The following SORCS1 variants were observed in gnomAD, a reference collection of about 807,000 sequenced individuals.
SORCS1 encodes sortilin related VPS10 domain containing receptor 1, also known as VPS10 domain-containing receptor SorCS1.
In SORCS1, 60 loss-of-function variants were observed where a neutral mutation model predicts 146.1. The ratio of observed to expected loss-of-function variants is 0.41; its 90% CI spans 0.33 to 0.51. The LOEUF is 0.51. Among genes scored for constraint, SORCS1 ranks in the 20% least tolerant of loss-of-function variants. The pLI is 0.21. For missense variants in SORCS1, 1,352 were observed against 1,487.6 expected, an observed-to-expected ratio of 0.91 and a Z score of 1.50; for synonymous variants, 637 against 584.0, an observed-to-expected ratio of 1.09 and a Z score of -1.31.
At chr10:106,880,932 C>CA (rs1248792404) in intron 2 of SORCS1, among the ~76,000 whole-genome samples, 3 of 151,248 alleles carry the variant, frequency 2.0e-5, no homozygotes, top group Non-Finnish European at 4.4e-5. Context: ...ACTAAAAATA[C>CA]AAAAAAAATT....
chr10:107,044,200 T>G (rs900523364), intron 1 of SORCS1, among the ~76,000 whole-genome samples: 3 of 152,122 alleles, frequency 2.0e-5, no homozygotes, highest in African/African-American at 4.8e-5. Flanking sequence ...TCACCTTGAT[T>G]CTCAATATCA....
chr10:106,640,143 G>A (rs1848978163), intron 18 of SORCS1, among the ~76,000 whole-genome samples: 1 of 152,206 alleles, frequency 6.6e-6, no homozygotes, highest in African/African-American at 2.4e-5. Flanking sequence ...ATTGTGTCAT[G>A]AATTCAGACA....
rs1846784495 is a variant in SORCS1, at chr10:106,608,877, G to C, written c.3034-1580C>G. Among the ~76,000 whole-genome samples the C allele has an allele frequency of 2.0e-5, 3 of 152,202 alleles. No individual in the cohort carries two copies. In the South Asian group the frequency reaches 6.2e-4, roughly 31 times the overall value. On this transcript the variant is annotated intron_variant, in intron 22 of 25. Transcript: ENST00000263054. ...AGGGGAGACAGAATGGCCCTTCAGA[G>C]TTGTCTTAAATTGGGCTGAGATGGC... is the stretch of plus-strand genomic sequence containing the variant.
chr10:107,130,920 T>C (rs1360266163), intron 1 of SORCS1, among the ~76,000 whole-genome samples: 2 of 152,184 alleles, frequency 1.3e-5, no homozygotes, highest in African/African-American at 4.8e-5. Context: ...ACAGAAACAC[T>C]GGAGCCATTA....
rs188802656 is a variant in SORCS1, at chr10:106,773,571, C to T, written c.885+2963G>A. ...ATGTGTTTTTTCCAGTATGATTTAT[C>T]CTTCATCCTCTCTTAAAGAAACAGA... On this transcript the variant is annotated intron_variant, in intron 4 of 25. Coordinates refer to ENST00000263054, the MANE Select transcript of SORCS1 (RefSeq NM_052918.5). 2.4e-3 allele frequency among the ~76,000 whole-genome samples: 360 copies of T among 152,272 alleles called. 4 individuals are homozygous for T. The highest frequency in any genetic ancestry group is 8.3e-3 in the African/African-American group (344 of 41,556).
At chr10:106,602,507 T>A (rs1846301794) in intron 23 of SORCS1, among the ~76,000 whole-genome samples, 1 of 99,708 alleles carries the variant, frequency 1.0e-5, no homozygotes, top group African/African-American at 4.2e-5. Flanking sequence ...ATTTCATTCC[T>A]TCATAACACA....
At chr10:106,983,916 G>A (rs545964647) in intron 1 of SORCS1, among the ~76,000 whole-genome samples, 192 of 152,266 alleles carry the variant, frequency 1.3e-3, no homozygotes, top group African/African-American at 4.4e-3. Context: ...GGGCCTTAAT[G>A]GCAACTTGTA....
intron 2 of SORCS1, among the ~76,000 whole-genome samples, chr10:106,939,231 C>T (rs1953907057): frequency 6.6e-6 from 1 of 152,250 alleles, no homozygotes; most frequent in Non-Finnish European, 1.5e-5. Flanking sequence ...ATGTATTCAT[C>T]AACCTGCAGG....
intron 1 of SORCS1, among the ~76,000 whole-genome samples, chr10:107,053,641 G>T (rs1223509734): frequency 6.6e-6 from 1 of 152,136 alleles, no homozygotes; most frequent in East Asian, 1.9e-4. Flanking sequence ...TTCCCACTGA[G>T]TTCACTGAAA....
intron 1 of SORCS1, among the ~76,000 whole-genome samples, chr10:107,032,263 A>G (rs1958689209): frequency 6.6e-6 from 1 of 152,326 alleles, no homozygotes; most frequent in African/African-American, 2.4e-5. Context: ...TTTAAGCAAG[A>G]AAGGGCAAAA....
intron 4 of SORCS1, 37 bp downstream of exon 4, chr10:106,776,497 C>T: frequency 6.2e-7 from 1 of 1,608,838 alleles, no homozygotes; most frequent in Non-Finnish European, 8.5e-7. Flanking sequence ...CCCGGAGAAC[C>T]ATGCTTCATT....
At chr10:106,954,318 G>T (rs895472254) in intron 2 of SORCS1, among the ~76,000 whole-genome samples, 1 of 152,184 alleles carries the variant, frequency 6.6e-6, no homozygotes, top group Non-Finnish European at 1.5e-5. Flanking sequence ...AGATCCATTA[G>T]AGAAATCTAT....
chr10:106,647,653 G>A (rs1182578290), intron 18 of SORCS1, among the ~76,000 whole-genome samples: 1 of 152,200 alleles, frequency 6.6e-6, no homozygotes, highest in Non-Finnish European at 1.5e-5. Flanking sequence ...GGATATGCAT[G>A]TGGATGAAAT....
chr10:107,004,513 T>G (rs1275473886), intron 1 of SORCS1, among the ~76,000 whole-genome samples: 2 of 152,116 alleles, frequency 1.3e-5, no homozygotes, highest in South Asian at 4.2e-4. Context: ...AACCACAAGA[T>G]CTCGAGACTT....
chr10:106,996,646 C>A (rs1957018433), intron 1 of SORCS1, among the ~76,000 whole-genome samples: 1 of 152,154 alleles, frequency 6.6e-6, no homozygotes, highest in African/African-American at 2.4e-5. Flanking sequence ...ATATTGTTTT[C>A]AGCCCTACAA....
intron 2 of SORCS1, among the ~76,000 whole-genome samples, chr10:106,888,446 G>A (rs1951092499): frequency 2.0e-5 from 3 of 151,220 alleles, no homozygotes; most frequent in Admixed American, 1.3e-4. Context: ...GAACCAAGAC[G>A]GCCCTATTTA....
rs148490853 is a variant in SORCS1 at position 106,767,761 on chromosome 10, G to A, written c.886-6100C>T. 1.7e-3 allele frequency among the ~76,000 whole-genome samples: 258 copies of A among 152,258 alleles called. 1 individual carries two copies. Among genetic ancestry groups the A allele is most frequent in the African/African-American group, 5.4e-3 (223 of 41,540 alleles). On this transcript the variant is annotated intron_variant, in intron 4 of 25. Coordinates refer to ENST00000263054, the MANE Select transcript of SORCS1 (RefSeq NM_052918.5). The stretch of plus-strand genomic sequence containing the variant: ...CTGCCTTGGCCTCCTAAAGTGCTGA[G>A]ATTACAGGCATGAGCCACCACGCCC...
At chr10:106,733,960 A>C in intron 5 of SORCS1, among the ~76,000 whole-genome samples, 1 of 152,066 alleles carries the variant, frequency 6.6e-6, no homozygotes, top group Middle Eastern at 3.2e-3. Flanking sequence ...TTATCACTGA[A>C]CTCTCTCTGC....
At chr10:106,938,151 C>CA (rs892280467) in intron 2 of SORCS1, among the ~76,000 whole-genome samples, 3 of 151,892 alleles carry the variant, frequency 2.0e-5, no homozygotes, top group Non-Finnish European at 4.4e-5. Context: ...TAGGGCCTGG[C>CA]AGGGAGTGTC....
Sources: gnomAD v4.1 joint callset for allele counts (sites outside exome capture counted in the v4.1 genomes callset) on GRCh38, gnomAD v4.1.1 for gene constraint, MANE v1.5 for transcripts, NCBI Gene and HGNC (gene_info 2026-07-23, HGNC 2026-07-21) for gene names.